KTN1: variants seen among roughly 807,000 people sequenced by gnomAD.
KTN1 encodes the protein kinectin.
KTN1 carries 130 observed loss-of-function variants against 222.5 expected under a neutral mutation model. The observed-to-expected ratio is 0.58, with a 90% CI of 0.51 to 0.68. The LOEUF is 0.68. Ranked by LOEUF, KTN1 falls within the 30% of genes least tolerant of loss-of-function variation. The pLI, the probability that KTN1 is intolerant of heterozygous loss-of-function variation, is 0.00. For missense variants in KTN1, 1,508 were observed against 1,500.4 expected (o/e 1.01, Z -0.08); for synonymous variants, 512 against 496.3 (o/e 1.03, Z -0.42).
Position 55,648,785 on chromosome 14 carries a change from A to G in KTN1, c.2299-17A>G, listed in dbSNP as rs780084856. On this transcript the variant is annotated splice_polypyrimidine_tract_variant and intron_variant, in intron 20 of 43. Coordinates refer to ENST00000395314, the MANE Select transcript of KTN1 (RefSeq NM_001079521.2). The stretch of plus-strand genomic sequence containing the variant: ...CAGAGAGTAAAATCATGTTTTGCTT[A>G]TGTGTCTTTGAAAAAGGCAATAAGA... 1.3e-6 allele frequency: 2 copies of G among 1,540,496 alleles called. No homozygotes were observed. The highest frequency in any genetic ancestry group is 1.8e-6 in the Non-Finnish European group (2 of 1,116,146).
rs554284811 is a variant in KTN1, at chr14:55,588,232, A to G, written c.-31+7878A>G. On this transcript the variant is annotated intron_variant, in intron 1 of 43. Transcript: ENST00000395314. Reference sequence around the variant, plus strand: ...AAAGAAAAGAAAATGCTACTAAGAAAATCATAAGAGACTGTGTATTTACAA... The same window carrying G: ...AAAGAAAAGAAAATGCTACTAAGAAGATCATAAGAGACTGTGTATTTACAA... 1.2e-4 allele frequency among the ~76,000 whole-genome samples: 18 copies of G among 152,342 alleles called. No individual in the cohort carries two copies. The South Asian group carries it at 3.7e-3, about 32-fold the overall frequency.
At chr14:55,618,185 AG>A (rs1216185391) in intron 4 of KTN1, 51 bp downstream of exon 4, 1 of 1,322,212 alleles carries the variant, frequency 7.6e-7, no homozygotes, top group Non-Finnish European at 1.0e-6. Flanking sequence ...CACATTTCTG[AG>A]TTCTGATGGA....
At chr14:55,592,393 C>T (rs934351950) in intron 1 of KTN1, among the ~76,000 whole-genome samples, 4 of 152,070 alleles carry the variant, frequency 2.6e-5, no homozygotes, top group African/African-American at 4.8e-5. Flanking sequence ...GGAGTTGTTT[C>T]GAGGATTGCA....
chr14:55,656,298 A>T lies in KTN1; in HGVS notation c.2892+166A>T. 3 of 587,934 alleles carry T rather than the reference A, an allele frequency of 5.1e-6. No individual in the cohort carries two copies. The South Asian group carries it at 7.2e-5, about 14-fold the overall frequency. The allele number at this position is 587,934 out of a possible 1,614,324, so 36.4% of individuals were successfully genotyped here. On this transcript the variant is annotated intron_variant, in intron 29 of 43. Coordinates refer to ENST00000395314, the MANE Select transcript of KTN1 (RefSeq NM_001079521.2). Reference sequence around the variant, plus strand: ...TTTTTTGAGTAAGTACCCATGCATAAAATGTGTGTATGTATGTATACTTGT... The same window carrying T: ...TTTTTTGAGTAAGTACCCATGCATATAATGTGTGTATGTATGTATACTTGT...
intron 1 of KTN1, among the ~76,000 whole-genome samples, chr14:55,589,274 C>T (rs1178426835): frequency 1.3e-5 from 2 of 152,112 alleles, no homozygotes; most frequent in Non-Finnish European, 2.9e-5. Context: ...TGGCAGCATT[C>T]AAAATAACAT....
At chr14:55,661,872 A>G in intron 32 of KTN1, 1 of 246,108 alleles carries the variant, frequency 4.1e-6, no homozygotes, top group Non-Finnish European at 7.7e-6. Flanking sequence ...AGTTATTTTA[A>G]AAAGCTAAAA....
chr14:55,612,225 G>C lies in KTN1; in HGVS notation c.177G>C (p.Lys59Asn). 1 of 1,584,468 alleles carries C rather than the reference G, an allele frequency of 6.3e-7. No individual in the cohort carries two copies. Among genetic ancestry groups the C allele is most frequent in the Non-Finnish European group, 8.5e-7 (1 of 1,172,546 alleles). ...AAACAGATAAAAAGAAAGCAGAAAA[G>C]AAAAAGAATAAAAAGAAAGAAATCC... ...PTKTDKKKAE[K>N]KKNKKKEIQN... The change falls in exon 2 of 44, where the codon AAG becomes AAC. Residue 59 changes from lysine (K) to asparagine (N), a missense_variant. By Grantham distance (94) the Lys-to-Asn change is moderately conservative. Coordinates refer to ENST00000395314, the MANE Select transcript of KTN1 (RefSeq NM_001079521.2).
intron 29 of KTN1, 49 bp downstream of exon 29, chr14:55,656,181 C>A (rs201924932): frequency 6.1e-5 from 79 of 1,296,840 alleles, no homozygotes; most frequent in Non-Finnish European, 8.3e-5. Context: ...ATTGTCTTTG[C>A]ATGCTTTAAA....
intron 1 of KTN1, among the ~76,000 whole-genome samples, chr14:55,609,559 T>C (rs1044341519): frequency 1.3e-5 from 2 of 152,202 alleles, no homozygotes; most frequent in Non-Finnish European, 2.9e-5. Flanking sequence ...ATTTGAAGAA[T>C]CAGTGTTTCA....
intron 3 of KTN1, among the ~76,000 whole-genome samples, chr14:55,616,921 AAAAT>A (rs1190777073): frequency 6.6e-6 from 1 of 152,232 alleles, no homozygotes; most frequent in Non-Finnish European, 1.5e-5. Flanking sequence ...CAGTTTTGAA[AAAAT>A]AAATAGCATA....
rs1276941127 is a variant in KTN1, at chr14:55,639,897, GTCTT to G, written c.1824-13_1824-10del. 1 of 1,473,990 alleles carries G rather than the reference GTCTT, an allele frequency of 6.8e-7. No individual in the cohort carries two copies. The allele number at this position is 1,473,990 out of a possible 1,614,324, so 91.3% of individuals were successfully genotyped here. A position where few individuals can be genotyped will look rare whatever the true frequency, so the allele number is the denominator to read the frequency against. On this transcript the variant is annotated splice_polypyrimidine_tract_variant and intron_variant, in intron 13 of 43. Transcript: ENST00000395314. ...CTGAATGTTTATTGAATGTACAAAT[GTCTT>G]TCCTTCTAAAGGATTGCAGAAAAGG...
Position 55,616,641 on chromosome 14 carries a change from A to G in KTN1, c.648A>G (p.Gln216=). 1.3e-6 allele frequency: 2 copies of G among 1,593,122 alleles called. No homozygotes were observed. Among genetic ancestry groups the G allele is most frequent in the African/African-American group, 2.7e-5 (2 of 73,022 alleles). ...SGKKKASSKK[Q]KTENVFVDEP... ...AGAAGAAAGCTTCATCAAAGAAACA[A>G]AAGACAGAAAATGGTGAGATGTTTA... The change falls in exon 3 of 44, where the codon CAA becomes CAG. Residue 216 remains glutamine, a synonymous_variant. Transcript: ENST00000395314.
At chr14:55,638,031 A>G (rs2041340624) in intron 12 of KTN1, among the ~76,000 whole-genome samples, 184 bp downstream of exon 12, 1 of 151,994 alleles carries the variant, frequency 6.6e-6, no homozygotes, top group South Asian at 2.1e-4. Flanking sequence ...AACACTAAGA[A>G]AGAAATCCAT....
chr14:55,678,672 T>G (rs1262738116), intron 42 of KTN1: 2 of 453,640 alleles, frequency 4.4e-6, no homozygotes, highest in Non-Finnish European at 8.1e-6. Flanking sequence ...TCCTGGACTG[T>G]GGACAGGTAC....
At chr14:55,623,026 C>T (rs1221774559) in intron 5 of KTN1, among the ~76,000 whole-genome samples, 2 of 152,202 alleles carry the variant, frequency 1.3e-5, no homozygotes, top group African/African-American at 4.8e-5. Flanking sequence ...CCCAAACCCT[C>T]CCTTCCAATT....
chr14:55,662,102 G>A (rs993506099), intron 32 of KTN1, among the ~76,000 whole-genome samples: 21 of 138,430 alleles, frequency 1.5e-4, no homozygotes, highest in East Asian at 4.1e-4. Flanking sequence ...ACAGGGTCTC[G>A]CTCTGTTGCC....
intron 28 of KTN1, among the ~76,000 whole-genome samples, chr14:55,654,739 A>G (rs1050356585): frequency 6.6e-6 from 1 of 152,150 alleles, no homozygotes; most frequent in Non-Finnish European, 1.5e-5. Flanking sequence ...CATAGTTTCC[A>G]TTAGGAAACT....
In KTN1 at chr14:55,634,703, G is replaced by A. The variant is rs762115859; in HGVS notation, c.1461+45G>A. ...ATTTGTCATTTCATGAATAATATAG[G>A]CGTATTAGTTCGTTTTCATACTGGT... On this transcript the variant is annotated intron_variant, in intron 9 of 43. Coordinates refer to ENST00000395314, the MANE Select transcript of KTN1 (RefSeq NM_001079521.2). 4.5e-6 allele frequency: 7 copies of A among 1,550,120 alleles called. No individual in the cohort carries two copies. The East Asian group carries it at 6.9e-5, about 15-fold the overall frequency.
intron 43 of KTN1, chr14:55,681,286 A>T (rs925354597): frequency 6.5e-6 from 1 of 152,892 alleles, no homozygotes; most frequent in South Asian, 2.0e-4. Flanking sequence ...AAATGCTGAC[A>T]TTAGACCTTT....
Sources: allele counts gnomAD v4.1 joint callset (sites outside exome capture counted in the v4.1 genomes callset), GRCh38; gene constraint gnomAD v4.1.1; transcripts MANE v1.5; gene names NCBI Gene and HGNC (gene_info 2026-07-23, HGNC 2026-07-21).